Variants in CPAMD8 observed in about 807,000 individuals in gnomAD.
The protein encoded by CPAMD8 is C3 and PZP-like alpha-2-macroglobulin domain-containing protein 8.
Under a neutral mutation model 224.7 loss-of-function variants are expected in CPAMD8, and 146 were observed. The observed-to-expected ratio is 0.65, with a 90% CI of 0.57 to 0.75. The LOEUF (loss-of-function observed/expected upper bound fraction) is 0.75. CPAMD8 is among the 30% of genes least tolerant of loss of function. The pLI, the probability that CPAMD8 is intolerant of heterozygous loss-of-function variation, is 0.00. For missense variants in CPAMD8, 2,301 were observed against 2,537.5 expected, an observed-to-expected ratio of 0.91 and a Z score of 2.00; for synonymous variants, 966 against 1,044.6, an observed-to-expected ratio of 0.92 and a Z score of 1.45.
intron 19 of CPAMD8, among the ~76,000 whole-genome samples, chr19:16,954,236 G>A (rs1296191676): frequency 6.6e-6 from 1 of 152,048 alleles, no homozygotes; most frequent in African/African-American, 2.4e-5. Context: ...GGGAGGCTGA[G>A]GCAGGAGAAT....
chr19:16,980,479 C>G lies in CPAMD8; in HGVS notation c.1585+18G>C, dbSNP rs1426203537. 1 of 1,608,648 alleles carries G rather than the reference C, an allele frequency of 6.2e-7. No homozygotes were observed. ...TCAGAAGGAAGAACAGGAACCTTCT[C>G]CCTGCTGCCCGGCTCACCTGTCTCA... On this transcript the variant is annotated intron_variant, in intron 14 of 41. Coordinates refer to ENST00000443236, the MANE Select transcript of CPAMD8 (RefSeq NM_015692.5).
At chr19:16,986,512 A>G (rs1437251526) in intron 13 of CPAMD8, among the ~76,000 whole-genome samples, 1 of 152,156 alleles carries the variant, frequency 6.6e-6, no homozygotes, top group Non-Finnish European at 1.5e-5. Flanking sequence ...TACAAGAAGA[A>G]CAGTGTGTTC....
In CPAMD8 at chr19:16,929,138, G is replaced by C. The variant is rs370760630; in HGVS notation, c.2948C>G (p.Ala983Gly). 6.2e-7 allele frequency: 1 copy of C among 1,613,970 alleles called. No homozygotes were observed. The highest frequency in any genetic ancestry group is 1.3e-5 in the African/African-American group (1 of 74,944). ...FDVAVRAHNDARVALSSGPQD... is the reference protein window; with the variant it reads ...FDVAVRAHNDGRVALSSGPQD... ...GGGCCCAGAAGACAAGGCCACACGG[G>C]CATCATTGTGAGCTCGCACAGCCAC... The change falls in exon 24 of 42, where the codon GCC becomes GGC. Residue 983 changes from alanine to glycine, a missense_variant. Ala to Gly is a moderately conservative substitution (Grantham distance 60). Coordinates refer to ENST00000443236, the MANE Select transcript of CPAMD8 (RefSeq NM_015692.5).
intron 22 of CPAMD8, among the ~76,000 whole-genome samples, chr19:16,944,077 T>C (rs1347126876): frequency 2.0e-5 from 3 of 152,100 alleles, no homozygotes; most frequent in Admixed American, 6.6e-5. Context: ...ATCCCCACCC[T>C]GGTACAGTGC....
At position 17,011,750 on chromosome 19, in the gene CPAMD8, G is replaced by A. The variant is rs201712843; in HGVS notation, c.275C>T (p.Thr92Met). The A allele has an allele frequency of 3.7e-5, 60 of 1,613,046 alleles. No homozygotes were observed. The highest frequency in any genetic ancestry group is 4.7e-5 in the Non-Finnish European group (55 of 1,179,674). ...DKGTIKLKVPTGLRGQALLKV... is the reference protein window; with the variant it reads ...DKGTIKLKVPMGLRGQALLKV... ...CAGAAGCGCTTGGCCCCGGAGGCCC[G>A]TGGGCACCTGCAGGCAGAGGAAGGA... The change falls in exon 4 of 42, where the codon ACG (threonine) becomes ATG (methionine). Residue 92 changes from threonine (T) to methionine (M), a missense_variant. Around this residue, in one of 4 missense-constraint regions of CPAMD8, gnomAD observed 283 missense variants for 340.6 expected, o/e 0.83. Transcript: ENST00000443236.
chr19:16,974,946 G>A, intron 17 of CPAMD8, 151 bp downstream of exon 17: 2 of 1,061,544 alleles, frequency 1.9e-6, no homozygotes, highest in Non-Finnish European at 1.3e-6. Context: ...CTGCACTCCA[G>A]CCTGGGCCAC....
In CPAMD8 at chr19:16,906,400, T is replaced by C. The variant is rs541519900; in HGVS notation, c.4027+552A>G. Among the ~76,000 whole-genome samples, 398 of 95,038 alleles carry C rather than the reference T, an allele frequency of 4.2e-3. 2 individuals carry two copies. Among genetic ancestry groups the C allele is most frequent in the African/African-American group, 0.017 (380 of 22,614 alleles). The allele number at this position is 95,038 out of a possible 152,430, so 62.3% of individuals were successfully genotyped here. ...TTTCTTTCTTTCTTTCTTTCTTTCT[T>C]TCTTTCTTTCCTTCCTTCCTTCCTT... On this transcript the variant is annotated intron_variant, in intron 30 of 41. Transcript: ENST00000443236.
intron 20 of CPAMD8, among the ~76,000 whole-genome samples, chr19:16,951,746 G>C (rs1348691976): frequency 6.6e-6 from 1 of 152,064 alleles, no homozygotes; most frequent in Non-Finnish European, 1.5e-5. Flanking sequence ...ATCAGAGGCT[G>C]ATCTCATCCC....
rs148830257 is a variant in CPAMD8 at position 17,008,406 on chromosome 19, TG to T, written c.559+98del. The T allele has an allele frequency of 1.2e-3, 1,727 of 1,408,120 alleles. 18 individuals are homozygous for T. The East Asian group carries it at 0.022, about 18-fold the overall frequency. 87.2% of individuals were successfully genotyped at this position (1,408,120 alleles called of 1,614,324 possible). ...TGGTCCCCTCCAGCTGGAGCAGCAG[TG>T]GGGGTACATTAGCGGTGGGCCCTGG... On this transcript the variant is annotated intron_variant, in intron 7 of 41. Coordinates refer to ENST00000443236, the MANE Select transcript of CPAMD8 (RefSeq NM_015692.5).
At chr19:16,906,900 C>T in intron 30 of CPAMD8, 52 bp downstream of exon 30, 2 of 1,516,636 alleles carry the variant, frequency 1.3e-6, no homozygotes, top group Admixed American at 2.0e-5. Context: ...TACCAGACTC[C>T]ACAGTGGGCT....
intron 23 of CPAMD8, among the ~76,000 whole-genome samples, chr19:16,934,639 A>G (rs2053634404): frequency 6.6e-6 from 1 of 152,212 alleles, no homozygotes; most frequent in Admixed American, 6.5e-5. Flanking sequence ...AGTAACAACT[A>G]TGTTAAAACA....
In CPAMD8 at chr19:17,007,241, G is replaced by A. The variant is rs151185877; in HGVS notation, c.559+1264C>T. Among the ~76,000 whole-genome samples the A allele has an allele frequency of 2.5e-3, 380 of 152,256 alleles. 2 individuals carry two copies. The highest frequency in any genetic ancestry group is 1.6e-3 in the Non-Finnish European group (111 of 68,022). ...CCCAGCTACTTGGGAAGCTGAGGCA[G>A]GAGAATGGCTTGAACCCGGGAGGCG... On this transcript the variant is annotated intron_variant, in intron 7 of 41. Coordinates refer to ENST00000443236, the MANE Select transcript of CPAMD8 (RefSeq NM_015692.5).
At chr19:16,974,143 T>C (rs905451386) in intron 17 of CPAMD8, among the ~76,000 whole-genome samples, 1 of 151,856 alleles carries the variant, frequency 6.6e-6, no homozygotes, top group African/African-American at 2.4e-5. Context: ...TAGCCCTTTT[T>C]TTTTTTGAGA....
At chr19:17,020,181 C>T (rs1308424940) in intron 3 of CPAMD8, 150 bp downstream of exon 3, 1 of 651,508 alleles carries the variant, frequency 1.5e-6, no homozygotes, top group Non-Finnish European at 2.8e-6. Context: ...ACCATGTTGC[C>T]CAGGCTGATC....
Position 16,934,918 on chromosome 19 carries a change from T to C in CPAMD8, c.2845+3477A>G, listed in dbSNP as rs182482252. On this transcript the variant is annotated intron_variant, in intron 23 of 41. Coordinates refer to ENST00000443236, the MANE Select transcript of CPAMD8 (RefSeq NM_015692.5). ...CCACCATCACCCATTTCAAGAACTC[T>C]TTTCATCCTGTAAAACTGTAACTCT... Among the ~76,000 whole-genome samples the C allele has an allele frequency of 2.2e-3, 342 of 152,238 alleles. 1 individual carries two copies. Among genetic ancestry groups the C allele is most frequent in the African/African-American group, 7.9e-3 (327 of 41,550 alleles).
chr19:17,011,434 C>T (rs758972989), intron 5 of CPAMD8, 30 bp downstream of exon 5: 22 of 1,613,942 alleles, frequency 1.4e-5, no homozygotes, highest in African/African-American at 4.0e-5. Flanking sequence ...GGGTGCACTC[C>T]GGGCCCGCGG....
chr19:16,965,710 A>C (rs1392940390), intron 18 of CPAMD8, among the ~76,000 whole-genome samples: 1 of 152,214 alleles, frequency 6.6e-6, no homozygotes, highest in African/African-American at 2.4e-5. Flanking sequence ...AGACAAACAG[A>C]GAGCCAAATC....
At chr19:16,929,681 C>T (rs1190544740) in intron 23 of CPAMD8, among the ~76,000 whole-genome samples, 1 of 152,082 alleles carries the variant, frequency 6.6e-6, no homozygotes, top group Non-Finnish European at 1.5e-5. Context: ...GCCTGGGTGA[C>T]TCTCTCTCTA....
At chr19:16,983,079 C>T (rs2055573752) in intron 13 of CPAMD8, among the ~76,000 whole-genome samples, 1 of 152,162 alleles carries the variant, frequency 6.6e-6, no homozygotes, top group African/African-American at 2.4e-5. Context: ...GTAAGGCCTC[C>T]CCAGCCACGT....
Sources: gnomAD v4.1 joint callset for allele counts (sites outside exome capture counted in the v4.1 genomes callset) on GRCh38, gnomAD v4.1.1 for gene constraint, gnomAD v4.1.1 regional missense constraint, MANE v1.5 for transcripts, NCBI Gene and HGNC (gene_info 2026-07-23, HGNC 2026-07-21) for gene names.